Variants in KCNA2 observed in about 807,000 individuals in gnomAD.
KCNA2 encodes the protein potassium channel, voltage gated shaker related subfamily A, member 2.
KCNA2 carries 11 observed loss-of-function variants against 33.4 expected under a neutral mutation model. The observed-to-expected ratio is 0.33, with a 90% CI of 0.21 to 0.55. The LOEUF is 0.55. Ranked by LOEUF, KCNA2 falls within the 20% of genes least tolerant of loss-of-function variation. KCNA2 has a pLI of 0.93. For missense variants in KCNA2, 291 were observed against 621.6 expected (o/e 0.47, Z 5.66); for synonymous variants, 222 against 231.3 (o/e 0.96, Z 0.37).
chr1:110,616,716 G>C (rs1333907212), intron 1 of KCNA2, among the ~76,000 whole-genome samples: 2 of 152,224 alleles, frequency 1.3e-5, no homozygotes, highest in African/African-American at 4.8e-5. Flanking sequence ...TAGCCACATA[G>C]CCAGCAGCTG....
In KCNA2 at chr1:110,602,775, GA is replaced by G. The variant is rs1444305695; in HGVS notation, c.*507del. 2.0e-6 allele frequency: 2 copies of G among 992,050 alleles called. No individual in the cohort carries two copies. The highest frequency in any genetic ancestry group is 2.4e-6 in the Non-Finnish European group (2 of 834,450). 61.5% of individuals were successfully genotyped at this position (992,050 alleles called of 1,614,324 possible). A position where few individuals can be genotyped will look rare whatever the true frequency, so the allele number is the denominator to read the frequency against. On this transcript the variant is annotated 3_prime_UTR_variant, in exon 3 of 3. Transcript: ENST00000316361. ...TTCACAAACTCCAGCCTGTGACACA[GA>G]AAGTAATTCCAACACACAGGACTGT...
Position 110,596,361 on chromosome 1 carries a change from A to C in KCNA2, c.*6922T>G. ...TATATATATATATATACACACATAA[A>C]TATATGTATATATGGAAAACCTCTA... is the stretch of plus-strand genomic sequence containing the variant. On this transcript the variant is annotated 3_prime_UTR_variant, in exon 3 of 3. Coordinates refer to ENST00000316361, the MANE Select transcript of KCNA2 (RefSeq NM_004974.4). The C allele has an allele frequency of 2.9e-6, 1 of 339,892 alleles. No individual in the cohort carries two copies. Among genetic ancestry groups the C allele is most frequent in the Non-Finnish European group, 4.2e-6 (1 of 240,950 alleles). 21.1% of individuals were successfully genotyped at this position (339,892 alleles called of 1,614,324 possible).
upstream of KCNA2, among the ~76,000 whole-genome samples, chr1:110,609,715 AAAG>A (rs1451143389): frequency 6.6e-6 from 1 of 152,180 alleles, no homozygotes; most frequent in Admixed American, 6.5e-5. Flanking sequence ...GAAATTAACT[AAAG>A]AAGGGGGAAA....
At chr1:110,629,695 T>C (rs1650495745) in intron 1 of KCNA2, among the ~76,000 whole-genome samples, 2 of 152,204 alleles carry the variant, frequency 1.3e-5, no homozygotes, top group Non-Finnish European at 2.9e-5. Context: ...CCTCGGTGGA[T>C]GACAGACACC....
rs1649281606 is a variant in KCNA2 at position 110,600,308 on chromosome 1, G to C, written c.*2975C>G. ...TGAGTTTGTGTGTATTTTATGTGTAGAAACAATGGTAAAGTAGCCTTTGTG... is the reference window on the plus strand; with the variant it reads ...TGAGTTTGTGTGTATTTTATGTGTACAAACAATGGTAAAGTAGCCTTTGTG... On this transcript the variant is annotated 3_prime_UTR_variant, in exon 3 of 3. Transcript: ENST00000316361. 1.0e-6 allele frequency: 1 copy of C among 983,660 alleles called. No homozygotes were observed. The highest frequency in any genetic ancestry group is 1.2e-6 in the Non-Finnish European group (1 of 829,684). 60.9% of individuals were successfully genotyped at this position (983,660 alleles called of 1,614,324 possible). A position where few individuals can be genotyped will look rare whatever the true frequency, so the allele number is the denominator to read the frequency against.
At chr1:110,615,063 A>T (rs1570762220) in intron 1 of KCNA2, among the ~76,000 whole-genome samples, 1 of 152,242 alleles carries the variant, frequency 6.6e-6, no homozygotes, top group East Asian at 1.9e-4. Flanking sequence ...AAGGGAACAC[A>T]GGGAATCTTT....
upstream of KCNA2, among the ~76,000 whole-genome samples, chr1:110,607,100 C>A (rs920402974): frequency 6.6e-6 from 1 of 152,130 alleles, no homozygotes; most frequent in African/African-American, 2.4e-5. Context: ...GCCGAGCAGA[C>A]GGCAGTGGTC....
rs972994267 is a variant in KCNA2, at chr1:110,594,563, G to T, written c.*8720C>A. 1.0e-6 allele frequency: 1 copy of T among 985,296 alleles called. No individual in the cohort carries two copies. The highest frequency in any genetic ancestry group is 1.2e-6 in the Non-Finnish European group (1 of 829,944). 61.0% of individuals were successfully genotyped at this position (985,296 alleles called of 1,614,324 possible). ...GTGCAGGGATGCAGAAAACCAGGAA[G>T]AGGCCAATTTGGCTGGGGTATTGTT... On this transcript the variant is annotated 3_prime_UTR_variant, in exon 3 of 3. Transcript: ENST00000316361.
chr1:110,623,250 A>G (rs1650304845), intron 1 of KCNA2, among the ~76,000 whole-genome samples: 1 of 152,246 alleles, frequency 6.6e-6, no homozygotes, highest in African/African-American at 2.4e-5. Flanking sequence ...CTGAACAGCT[A>G]TATGCAACAT....
intron 1 of KCNA2, among the ~76,000 whole-genome samples, chr1:110,618,283 G>A (rs1025852140): frequency 2.6e-5 from 4 of 152,250 alleles, no homozygotes; most frequent in Non-Finnish European, 5.9e-5. Flanking sequence ...AGAGTTCGAG[G>A]TTACAGTGAG....
chr1:110,594,487 C>T lies in KCNA2; in HGVS notation c.*8796G>A, dbSNP rs1649010928. The T allele has an allele frequency of 1.0e-6, 1 of 985,260 alleles. No individual in the cohort carries two copies. The highest frequency in any genetic ancestry group is 1.2e-6 in the Non-Finnish European group (1 of 829,964). The allele number at this position is 985,260 out of a possible 1,614,324, so 61.0% of individuals were successfully genotyped here. A position where few individuals can be genotyped will look rare whatever the true frequency, so the allele number is the denominator to read the frequency against. ...AAAACTAGAGAATCTTCCTTGATTG[C>T]TGGCACCATTAATCGCAACTGTTCC... On this transcript the variant is annotated 3_prime_UTR_variant, in exon 3 of 3. Transcript: ENST00000316361.
Position 110,596,577 on chromosome 1 carries a change from C to T in KCNA2, c.*6706G>A. ...CTCTTTGGTCTTCTCTACCTATGTCCACTACTGTACAATAAGCATTGAGGT... is the reference window on the plus strand; with the variant it reads ...CTCTTTGGTCTTCTCTACCTATGTCTACTACTGTACAATAAGCATTGAGGT... On this transcript the variant is annotated 3_prime_UTR_variant, in exon 3 of 3. Coordinates refer to ENST00000316361, the MANE Select transcript of KCNA2 (RefSeq NM_004974.4). 3.9e-6 allele frequency: 1 copy of T among 258,066 alleles called. No homozygotes were observed. Among genetic ancestry groups the T allele is most frequent in the Non-Finnish European group, 6.1e-6 (1 of 165,048 alleles). The allele number at this position is 258,066 out of a possible 1,614,324, so 16.0% of individuals were successfully genotyped here. A position where few individuals can be genotyped will look rare whatever the true frequency, so the allele number is the denominator to read the frequency against.
At chr1:110,611,597 G>T (rs1649874624) in intron 1 of KCNA2, among the ~76,000 whole-genome samples, 1 of 151,966 alleles carries the variant, frequency 6.6e-6, no homozygotes, top group Non-Finnish European at 1.5e-5. Context: ...ATAATAGCAT[G>T]TCCCTGTAGT....
Position 110,594,306 on chromosome 1 carries a change from T to TAC in KCNA2, c.*8975_*8976dup, listed in dbSNP as rs1196673259. ...CTCTCTCTCTCTCTATATATATATA[T>TAC]ACATATATATATATATGTGTGTGTA... On this transcript the variant is annotated 3_prime_UTR_variant, in exon 3 of 3. Transcript: ENST00000316361. 6 of 884,140 alleles carry TAC rather than the reference T, an allele frequency of 6.8e-6. No individual in the cohort carries two copies. The highest frequency in any genetic ancestry group is 1.2e-4 in the East Asian group (1 of 8,180). 54.8% of individuals were successfully genotyped at this position (884,140 alleles called of 1,614,324 possible). A position where few individuals can be genotyped will look rare whatever the true frequency, so the allele number is the denominator to read the frequency against.
Position 110,595,185 on chromosome 1 carries a change from C to T in KCNA2, c.*8098G>A. 1.0e-6 allele frequency: 1 copy of T among 985,414 alleles called. No homozygotes were observed. The allele number at this position is 985,414 out of a possible 1,614,324, so 61.0% of individuals were successfully genotyped here. On this transcript the variant is annotated 3_prime_UTR_variant, in exon 3 of 3. Coordinates refer to ENST00000316361, the MANE Select transcript of KCNA2 (RefSeq NM_004974.4). Reference sequence around the variant, plus strand: ...ATCTAGATGTTGCAGTAGCTGTCCACATTATTACATAATCATGCCCTGTGC... The same window carrying T: ...ATCTAGATGTTGCAGTAGCTGTCCATATTATTACATAATCATGCCCTGTGC...
In KCNA2 at chr1:110,595,454, C is replaced by A. The variant is rs1649054965; in HGVS notation, c.*7829G>T. On this transcript the variant is annotated 3_prime_UTR_variant, in exon 3 of 3. Coordinates refer to ENST00000316361, the MANE Select transcript of KCNA2 (RefSeq NM_004974.4). ...CAACTAACATAGCCAGACTGGAGGGCTTCTGTGGGTGTGGGGAGATGGCAG... is the reference window on the plus strand; with the variant it reads ...CAACTAACATAGCCAGACTGGAGGGATTCTGTGGGTGTGGGGAGATGGCAG... 1.0e-6 allele frequency: 1 copy of A among 985,432 alleles called. No individual in the cohort carries two copies. Among genetic ancestry groups the A allele is most frequent in the South Asian group, 4.7e-5 (1 of 21,278 alleles). The allele number at this position is 985,432 out of a possible 1,614,324, so 61.0% of individuals were successfully genotyped here. A position where few individuals can be genotyped will look rare whatever the true frequency, so the allele number is the denominator to read the frequency against.
In KCNA2 at chr1:110,600,973, CTGTT is replaced by C; in HGVS notation, c.*2306_*2309del. 1 of 985,532 alleles carries C rather than the reference CTGTT, an allele frequency of 1.0e-6. No individual in the cohort carries two copies. The highest frequency in any genetic ancestry group is 4.7e-5 in the South Asian group (1 of 21,290). 61.0% of individuals were successfully genotyped at this position (985,532 alleles called of 1,614,324 possible). On this transcript the variant is annotated 3_prime_UTR_variant, in exon 3 of 3. Transcript: ENST00000316361. ...TGCATAGCCCGACCCCTGCAATTCACTGTTTGGGAAAATTAAGCTACTCCGTCAA... is the reference window on the plus strand; with the variant it reads ...TGCATAGCCCGACCCCTGCAATTCACTGGGAAAATTAAGCTACTCCGTCAA...
At chr1:110,616,521 G>C (rs1463650084) in intron 1 of KCNA2, among the ~76,000 whole-genome samples, 1 of 152,218 alleles carries the variant, frequency 6.6e-6, no homozygotes, top group Non-Finnish European at 1.5e-5. Context: ...CCCAGAGTTA[G>C]ATCATAAATA....
At chr1:110,611,348 G>C (rs1649866220), upstream of KCNA2, among the ~76,000 whole-genome samples, 1 of 152,218 alleles carries the variant, frequency 6.6e-6, no homozygotes, top group Non-Finnish European at 1.5e-5. Flanking sequence ...CTGCCTCTAA[G>C]GGGCCCCTTC....
Sources: gnomAD v4.1 joint callset for allele counts (sites outside exome capture counted in the v4.1 genomes callset) on GRCh38, gnomAD v4.1.1 for gene constraint, MANE v1.5 for transcripts, NCBI Gene and HGNC (gene_info 2026-07-23, HGNC 2026-07-21) for gene names.